SLC25A48: variants seen among roughly 807,000 people sequenced by gnomAD.
SLC25A48 encodes solute carrier family 25 member 48.
Under a neutral mutation model 32.2 loss-of-function variants are expected in SLC25A48, and 29 were observed. That is an observed-to-expected ratio of 0.90 (90% CI 0.67 to 1.23). The LOEUF (loss-of-function observed/expected upper bound fraction) is 1.23. SLC25A48 is among the 50% of genes most tolerant of loss of function. The pLI is 0.00. For synonymous variants in SLC25A48, 164 were observed against 172.3 expected, an observed-to-expected ratio of 0.95 and a Z score of 0.38; for missense variants, 399 against 422.7, an observed-to-expected ratio of 0.94 and a Z score of 0.49.
intron 3 of SLC25A48, among the ~76,000 whole-genome samples, chr5:135,694,261 C>A (rs921810024): frequency 2.0e-5 from 3 of 152,162 alleles, no homozygotes; most frequent in Non-Finnish European, 2.9e-5. Context: ...CCGCTGAGTA[C>A]ACAGATGTGT....
chr5:135,641,183 G>T (rs532607329), intron 3 of SLC25A48, among the ~76,000 whole-genome samples: 1 of 152,302 alleles, frequency 6.6e-6, no homozygotes, highest in East Asian at 1.9e-4. Flanking sequence ...GGCTTGGGAC[G>T]TGTTAAGTCT....
intron 3 of SLC25A48, among the ~76,000 whole-genome samples, chr5:135,754,946 A>T (rs1755861097): frequency 6.6e-6 from 1 of 152,154 alleles, no homozygotes; most frequent in African/African-American, 2.4e-5. Flanking sequence ...CCAAGATATT[A>T]ATGAAATATC....
At chr5:135,642,624 T>A (rs1561771071) in intron 3 of SLC25A48, among the ~76,000 whole-genome samples, 1 of 152,238 alleles carries the variant, frequency 6.6e-6, no homozygotes, top group South Asian at 2.1e-4. Context: ...AATGTGTTAT[T>A]TTTTTGGAAA....
chr5:135,615,529 C>T (rs1752165804), intron 1 of SLC25A48, among the ~76,000 whole-genome samples: 1 of 152,174 alleles, frequency 6.6e-6, no homozygotes, highest in Admixed American at 6.5e-5. Flanking sequence ...GGCCTGGCTA[C>T]TTCTAATACC....
chr5:135,665,826 G>A (rs1349395931), intron 3 of SLC25A48, among the ~76,000 whole-genome samples: 3 of 151,666 alleles, frequency 2.0e-5, no homozygotes, highest in African/African-American at 7.3e-5. Context: ...CTTCCGTGAG[G>A]CCTCTTTGCT....
chr5:135,621,857 A>G (rs1380669805), intron 1 of SLC25A48, among the ~76,000 whole-genome samples: 1 of 152,196 alleles, frequency 6.6e-6, no homozygotes, highest in Non-Finnish European at 1.5e-5. Flanking sequence ...GCTGTCATAT[A>G]CCATATATTA....
At chr5:135,716,051 A>C (rs901143445) in intron 3 of SLC25A48, among the ~76,000 whole-genome samples, 3 of 152,222 alleles carry the variant, frequency 2.0e-5, no homozygotes, top group South Asian at 2.1e-4. Flanking sequence ...CAAGGGTTTC[A>C]AGGCTTTGTG....
At chr5:135,634,967 C>T (rs1019056110) in intron 3 of SLC25A48, 1 of 152,208 alleles carries the variant, frequency 6.6e-6, no homozygotes, top group Non-Finnish European at 1.5e-5. Flanking sequence ...GTGAGTACTG[C>T]TGTTGCTGCA....
intron 4 of SLC25A48, among the ~76,000 whole-genome samples, chr5:135,868,592 T>C (rs1761390347): frequency 6.6e-6 from 1 of 152,188 alleles, no homozygotes; most frequent in Non-Finnish European, 1.5e-5. Flanking sequence ...TCTTCAAGTA[T>C]GTAACTCACC....
intron 3 of SLC25A48, among the ~76,000 whole-genome samples, chr5:135,791,018 A>G (rs1757016298): frequency 6.6e-6 from 1 of 151,388 alleles, no homozygotes; most frequent in Non-Finnish European, 1.5e-5. Flanking sequence ...TTCTAATGTC[A>G]CAGTGTGTGT....
intron 3 of SLC25A48, among the ~76,000 whole-genome samples, chr5:135,662,936 A>T (rs1017580313): frequency 6.6e-6 from 1 of 152,036 alleles, no homozygotes; most frequent in Non-Finnish European, 1.5e-5. Context: ...TCCAGCTCAC[A>T]TTCTCCACTG....
At chr5:135,788,882 G>A (rs1756931985) in intron 3 of SLC25A48, among the ~76,000 whole-genome samples, 1 of 151,488 alleles carries the variant, frequency 6.6e-6, no homozygotes, top group African/African-American at 2.4e-5. Context: ...TACTCCCCAT[G>A]TGTCGGGGGG....
At chr5:135,682,681 T>A (rs1272614592) in intron 3 of SLC25A48, among the ~76,000 whole-genome samples, 1 of 152,166 alleles carries the variant, frequency 6.6e-6, no homozygotes, top group East Asian at 1.9e-4. Flanking sequence ...TGGGTGGGGC[T>A]CTGAGCTATC....
At chr5:135,768,274 C>T (rs6865052) in intron 3 of SLC25A48, among the ~76,000 whole-genome samples, 2 of 148,776 alleles carry the variant, frequency 1.3e-5, no homozygotes, top group South Asian at 4.3e-4. Flanking sequence ...CGGTGTACAC[C>T]CCTCTGTGAT....
At chr5:135,672,895 C>T (rs1250129184) in intron 3 of SLC25A48, among the ~76,000 whole-genome samples, 4 of 152,124 alleles carry the variant, frequency 2.6e-5, no homozygotes, top group Non-Finnish European at 5.9e-5. Context: ...TACCCTTATG[C>T]TCCACCCCCA....
intron 3 of SLC25A48, among the ~76,000 whole-genome samples, chr5:135,645,866 A>G (rs1752946097): frequency 6.6e-6 from 1 of 152,182 alleles, no homozygotes; most frequent in Non-Finnish European, 1.5e-5. Flanking sequence ...TTCTCCCTTT[A>G]TCTCATAACT....
chr5:135,617,465 T>C (rs1752216992), intron 1 of SLC25A48, among the ~76,000 whole-genome samples: 1 of 152,066 alleles, frequency 6.6e-6, no homozygotes, highest in Admixed American at 6.5e-5. Flanking sequence ...AGTTCTGCTC[T>C]TATCTTTATT....
chr5:135,636,980 T>C (rs1752720458), intron 3 of SLC25A48, among the ~76,000 whole-genome samples: 2 of 128,868 alleles, frequency 1.6e-5, no homozygotes, highest in East Asian at 4.2e-4. Context: ...CCGTTACGAG[T>C]AGGGTGGAAA....
intron 3 of SLC25A48, among the ~76,000 whole-genome samples, chr5:135,708,230 C>A (rs1754567529): frequency 1.3e-5 from 2 of 152,202 alleles, no homozygotes; most frequent in African/African-American, 2.4e-5. Flanking sequence ...CACCTATGTA[C>A]CCATCACTCA....
Sources: allele counts gnomAD v4.1 joint callset (sites outside exome capture counted in the v4.1 genomes callset), GRCh38; gene constraint gnomAD v4.1.1; transcripts MANE v1.5; gene names NCBI Gene and HGNC (gene_info 2026-07-23, HGNC 2026-07-21).